Variants in GFRA2 observed in about 807,000 individuals in gnomAD.
GFRA2 encodes GDNF family receptor alpha-2.
In GFRA2, 17 loss-of-function variants were observed where a neutral mutation model predicts 48.3. The ratio of observed to expected loss-of-function variants is 0.35; its 90% confidence interval spans 0.24 to 0.53. The LOEUF (loss-of-function observed/expected upper bound fraction) is 0.53. Among genes scored for constraint, GFRA2 ranks in the 20% least tolerant of loss-of-function variants. The pLI is 0.93. For missense variants in GFRA2, 660 were observed against 637.3 expected (o/e 1.04, Z -0.38); for synonymous variants, 305 against 257.2 (o/e 1.19, Z -1.78).
At chr8:21,712,889 C>A (rs976873988) in intron 4 of GFRA2, among the ~76,000 whole-genome samples, 2 of 152,128 alleles carry the variant, frequency 1.3e-5, no homozygotes, top group South Asian at 4.1e-4. Context: ...CGCCTGCAAT[C>A]GCAGGCACTC....
intron 4 of GFRA2, among the ~76,000 whole-genome samples, chr8:21,706,784 G>C (rs1210848730): frequency 6.6e-6 from 1 of 152,162 alleles, no homozygotes; most frequent in Non-Finnish European, 1.5e-5. Context: ...TTCCCCACTG[G>C]GCCATGAGCC....
intron 4 of GFRA2, among the ~76,000 whole-genome samples, chr8:21,708,889 G>T (rs1802879677): frequency 6.6e-6 from 1 of 152,230 alleles, no homozygotes; most frequent in Admixed American, 6.5e-5. Context: ...AACTTCTGTT[G>T]TAAGCCACCC....
chr8:21,772,544 G>C (rs1806487004), intron 3 of GFRA2, among the ~76,000 whole-genome samples: 2 of 152,136 alleles, frequency 1.3e-5, no homozygotes, highest in Non-Finnish European at 2.9e-5. Flanking sequence ...CCCAGACACA[G>C]CTGCCTACTC....
chr8:21,802,602 A>C (rs2117115480), intron 2 of GFRA2, among the ~76,000 whole-genome samples: 1 of 152,180 alleles, frequency 6.6e-6, no homozygotes, highest in East Asian at 1.9e-4. Context: ...CGATCCTCCC[A>C]CTTTGGCTTC....
In GFRA2 at chr8:21,758,350, A is replaced by G. The variant is rs146697399; in HGVS notation, c.440-7408T>C. ...CCTCTGCCACCTCCCAACAGAGAGG[A>G]TCTTCAAGGTAGACTTTCCAATCGC... is the stretch of plus-strand genomic sequence containing the variant. On this transcript the variant is annotated intron_variant, in intron 3 of 8. Transcript: ENST00000524240. Among the ~76,000 whole-genome samples the G allele has an allele frequency of 3.3e-4, 50 of 152,254 alleles. No homozygotes were observed. In the East Asian group the frequency reaches 6.0e-3, roughly 18 times the overall value.
At chr8:21,754,238 A>G (rs1380724971) in intron 3 of GFRA2, among the ~76,000 whole-genome samples, 1 of 152,224 alleles carries the variant, frequency 6.6e-6, no homozygotes, top group Admixed American at 6.5e-5. Context: ...CTGTGTCCCT[A>G]GTACCCTGTG....
In GFRA2 at chr8:21,710,398, G is replaced by A. The variant is rs76202762; in HGVS notation, c.795-4357C>T. 5.7e-3 allele frequency among the ~76,000 whole-genome samples: 867 copies of A among 152,316 alleles called. 39 individuals are homozygous for A. In the East Asian group the frequency reaches 0.096, roughly 17 times the overall value. On this transcript the variant is annotated intron_variant, in intron 4 of 8. Transcript: ENST00000524240. ...CTTTCCCTGGCGTCTGATACAGAAG[G>A]AAAAACAGACCCACTTATCCTGCAA...
intron 3 of GFRA2, among the ~76,000 whole-genome samples, chr8:21,756,572 G>T (rs1161533891): frequency 6.6e-6 from 1 of 152,192 alleles, no homozygotes; most frequent in Non-Finnish European, 1.5e-5. Context: ...TTCTGAGACA[G>T]CCACTGCCCT....
chr8:21,728,863 G>A (rs1486211262), intron 4 of GFRA2, among the ~76,000 whole-genome samples: 1 of 152,232 alleles, frequency 6.6e-6, no homozygotes, highest in African/African-American at 2.4e-5. Context: ...TGGTGACACC[G>A]TGGCTAACAC....
rs979794800 is a variant in GFRA2 at position 21,691,186 on chromosome 8, G to A, written c.*2092C>T. 9.2e-5 allele frequency: 14 copies of A among 152,266 alleles called. No individual in the cohort carries two copies. The highest frequency in any genetic ancestry group is 5.9e-4 in the Admixed American group (9 of 15,286). 9.4% of individuals were successfully genotyped at this position (152,266 alleles called of 1,614,324 possible). A position where few individuals can be genotyped will look rare whatever the true frequency, so the allele number is the denominator to read the frequency against. On this transcript the variant is annotated 3_prime_UTR_variant, in exon 9 of 9. Coordinates refer to ENST00000524240, the MANE Select transcript of GFRA2 (RefSeq NM_001495.5). ...TGCAGCCCTGAAGGCCAGGCTGACA[G>A]TAGAAACATCTTCTCGCCTACCAGT...
chr8:21,756,179 T>C (rs980874928), intron 3 of GFRA2, among the ~76,000 whole-genome samples: 12 of 152,248 alleles, frequency 7.9e-5, no homozygotes, highest in African/African-American at 2.7e-4. Flanking sequence ...AGCAGGTTCC[T>C]GAGCTAGTGC....
chr8:21,735,530 G>A (rs1307524433), intron 4 of GFRA2, among the ~76,000 whole-genome samples: 1 of 151,932 alleles, frequency 6.6e-6, no homozygotes, highest in Non-Finnish European at 1.5e-5. Context: ...GTGTGGAGAC[G>A]AACCCTTCCC....
At chr8:21,711,766 A>G (rs536326178) in intron 4 of GFRA2, among the ~76,000 whole-genome samples, 4 of 148,022 alleles carry the variant, frequency 2.7e-5, no homozygotes, top group African/African-American at 1.0e-4. Context: ...ATAGTGGAGG[A>G]AAGGTCAGCA....
intron 3 of GFRA2, among the ~76,000 whole-genome samples, chr8:21,756,130 GCCCCCAGGTT>G (rs1399947731): frequency 1.3e-5 from 2 of 152,176 alleles, no homozygotes; most frequent in African/African-American, 4.8e-5. Context: ...GGCTGCGGCT[GCCCCCAGGTT>G]CCCCAGGTGC....
At chr8:21,737,792 C>T (rs1388423524) in intron 4 of GFRA2, among the ~76,000 whole-genome samples, 1 of 152,140 alleles carries the variant, frequency 6.6e-6, no homozygotes, top group East Asian at 1.9e-4. Context: ...TCTCAGAATG[C>T]CTACATCGAG....
At chr8:21,810,116 T>C (rs1250624301) in intron 1 of GFRA2, among the ~76,000 whole-genome samples, 1 of 152,242 alleles carries the variant, frequency 6.6e-6, no homozygotes, top group East Asian at 1.9e-4. Flanking sequence ...ACAGGCTCCA[T>C]AAAAAGCCAA....
At chr8:21,749,239 CAA>C (rs1349224127) in intron 4 of GFRA2, among the ~76,000 whole-genome samples, 14 of 117,978 alleles carry the variant, frequency 1.2e-4, no homozygotes, top group Admixed American at 8.6e-5. Flanking sequence ...CCTCCCCCTG[CAA>C]AAAAAAAAAA....
intron 1 of GFRA2, among the ~76,000 whole-genome samples, chr8:21,787,275 T>TG (rs780776992): frequency 0.023 from 1,745 of 75,682 alleles, 48 homozygotes; most frequent in East Asian, 0.12. Context: ...GGGGGGGCAG[T>TG]GGGGGGGGTT....
intron 4 of GFRA2, among the ~76,000 whole-genome samples, chr8:21,710,912 G>A (rs1479696514): frequency 1.3e-5 from 2 of 152,144 alleles, no homozygotes; most frequent in African/African-American, 2.4e-5. Flanking sequence ...CAAGCCCAAG[G>A]CTCCAGGAGG....
Sources: allele counts gnomAD v4.1 joint callset (sites outside exome capture counted in the v4.1 genomes callset), GRCh38; gene constraint gnomAD v4.1.1; transcripts MANE v1.5; gene names NCBI Gene and HGNC (gene_info 2026-07-23, HGNC 2026-07-21).